Variants in PROS1 observed in about 807,000 individuals in gnomAD.
PROS1 encodes protein S, also known as vitamin K-dependent protein S.
A neutral mutation model predicts 75.9 loss-of-function variants in PROS1; 29 were observed. The ratio of observed to expected loss-of-function variants is 0.38; its 90% CI spans 0.28 to 0.52. The LOEUF is 0.52. PROS1 is among the 20% of genes least tolerant of loss of function. The probability of loss-of-function intolerance (pLI) is 0.83; values close to 1 mark genes in which losing one functional copy is unlikely to be tolerated. For missense variants in PROS1, 680 were observed against 810.3 expected (o/e 0.84, Z 1.95); for synonymous variants, 245 against 280.6 (o/e 0.87, Z 1.27).
In PROS1 at chr3:93,874,306, T is replaced by G; in HGVS notation, c.1970A>C (p.Lys657Thr). Reference sequence around the variant, plus strand: ...TGAGTGAGCTCTAATATCATTATGTTTAGAAATGGCTTCATCCAGATCCAA... The same window carrying G: ...TGAGTGAGCTCTAATATCATTATGTGTAGAAATGGCTTCATCCAGATCCAA... The part of the protein sequence containing the change: ...VQLDLDEAIS[K>T]HNDIRAHSCP... Residue 657 changes from lysine to threonine, a missense_variant, in exon 15 of 15, where the codon AAA becomes ACA. Lys to Thr is a moderately conservative substitution (Grantham distance 78). Coordinates refer to ENST00000394236, the MANE Select transcript of PROS1 (RefSeq NM_000313.4). 1 of 1,613,502 alleles carries G rather than the reference T, an allele frequency of 6.2e-7. No homozygotes were observed. The highest frequency in any genetic ancestry group is 1.1e-5 in the South Asian group (1 of 91,068).
chr3:93,919,083 A>G (rs1267552547), intron 3 of PROS1, among the ~76,000 whole-genome samples: 1 of 152,168 alleles, frequency 6.6e-6, no homozygotes, highest in East Asian at 1.9e-4. Flanking sequence ...TCTACCCATG[A>G]TAAGACACTC....
At chr3:93,923,508 A>G (rs1708972965) in intron 3 of PROS1, among the ~76,000 whole-genome samples, 1 of 152,218 alleles carries the variant, frequency 6.6e-6, no homozygotes, top group Admixed American at 6.5e-5. Flanking sequence ...TTGATATACT[A>G]TCTTTTCTAC....
chr3:93,943,013 A>G (rs1376532719), intron 1 of PROS1, among the ~76,000 whole-genome samples: 2 of 152,164 alleles, frequency 1.3e-5, no homozygotes, highest in African/African-American at 2.4e-5. Flanking sequence ...TGAGAAGTCC[A>G]CTGCGGTCAT....
intron 3 of PROS1, 99 bp from the exon 4 acceptor site, chr3:93,910,804 C>T (rs909347153): frequency 3.5e-5 from 33 of 934,878 alleles, no homozygotes; most frequent in Admixed American, 8.1e-5. Context: ...ATTTATGCTC[C>T]TGTAGATTCA....
chr3:93,916,394 A>G (rs1303203700), intron 3 of PROS1, among the ~76,000 whole-genome samples: 3 of 152,218 alleles, frequency 2.0e-5, no homozygotes, highest in Admixed American at 6.5e-5. Flanking sequence ...AATGTTTCAT[A>G]TGAGTTTAGA....
chr3:93,960,455 C>T (rs1306550950), intron 1 of PROS1, among the ~76,000 whole-genome samples: 3 of 150,324 alleles, frequency 2.0e-5, no homozygotes, highest in East Asian at 2.0e-4. Context: ...GGATTACAGC[C>T]GTGAGCCACC....
At chr3:93,892,911 T>C (rs1332179759) in intron 10 of PROS1, 22 bp downstream of exon 10, 3 of 1,601,208 alleles carry the variant, frequency 1.9e-6, no homozygotes, top group African/African-American at 2.7e-5. Context: ...TGGGAAGATA[T>C]TGATGAAATC....
At chr3:93,877,781 C>T (rs1559927662) in intron 13 of PROS1, among the ~76,000 whole-genome samples, 1 of 152,172 alleles carries the variant, frequency 6.6e-6, no homozygotes, top group Non-Finnish European at 1.5e-5. Flanking sequence ...TTTCAAACTG[C>T]CGTTATGCCT....
At chr3:93,940,035 TC>T (rs1709258045) in intron 1 of PROS1, among the ~76,000 whole-genome samples, 1 of 152,190 alleles carries the variant, frequency 6.6e-6, no homozygotes, top group Non-Finnish European at 1.5e-5. Context: ...GCCACAGTGG[TC>T]AGGCATTCTT....
At chr3:93,971,739 G>A (rs1709885837) in intron 1 of PROS1, among the ~76,000 whole-genome samples, 1 of 151,780 alleles carries the variant, frequency 6.6e-6, no homozygotes, top group South Asian at 2.1e-4. Flanking sequence ...GGGAGGGGGA[G>A]GTTGCCATGA....
intron 3 of PROS1, among the ~76,000 whole-genome samples, chr3:93,913,039 C>A (rs1708783534): frequency 1.3e-5 from 2 of 152,184 alleles, no homozygotes; most frequent in South Asian, 4.1e-4. Flanking sequence ...ATCTTGAATT[C>A]TAATCCTCCA....
chr3:93,931,084 T>C (rs552463181), intron 1 of PROS1, among the ~76,000 whole-genome samples: 1 of 152,252 alleles, frequency 6.6e-6, no homozygotes, highest in Non-Finnish European at 1.5e-5. Context: ...TACATAACAA[T>C]GTTCAAAGCA....
At chr3:93,945,775 T>A (rs1263446341) in intron 1 of PROS1, among the ~76,000 whole-genome samples, 2 of 152,116 alleles carry the variant, frequency 1.3e-5, no homozygotes, top group African/African-American at 2.4e-5. Context: ...CTCTCACCAC[T>A]CCTATTCAAA....
chr3:93,960,835 A>T (rs913867105), intron 1 of PROS1, among the ~76,000 whole-genome samples: 7 of 151,804 alleles, frequency 4.6e-5, no homozygotes, highest in Non-Finnish European at 8.8e-5. Context: ...CTTTGTTAAT[A>T]ATAAAAATCA....
At chr3:93,928,852 G>T in intron 1 of PROS1, 1 of 718,774 alleles carries the variant, frequency 1.4e-6, no homozygotes, top group Non-Finnish European at 2.0e-6. Flanking sequence ...GAGAATAAAC[G>T]GGAAATAAAC....
intron 1 of PROS1, among the ~76,000 whole-genome samples, chr3:93,961,316 C>G (rs1319305472): frequency 6.6e-6 from 1 of 152,166 alleles, no homozygotes; most frequent in Non-Finnish European, 1.5e-5. Context: ...ATGCCAAATT[C>G]AGATTGCAGA....
At chr3:93,939,593 C>T (rs1709248466) in intron 1 of PROS1, among the ~76,000 whole-genome samples, 1 of 152,140 alleles carries the variant, frequency 6.6e-6, no homozygotes, top group South Asian at 2.1e-4. Context: ...CCAACAATTT[C>T]CTCTTAAAGA....
chr3:93,897,720 G>T (rs1267521631), intron 8 of PROS1, among the ~76,000 whole-genome samples: 1 of 151,698 alleles, frequency 6.6e-6, no homozygotes, highest in African/African-American at 2.4e-5. Flanking sequence ...CATTTTTTAT[G>T]GTCTGCCTCA....
At chr3:93,935,100 A>T (rs1337830395) in intron 1 of PROS1, among the ~76,000 whole-genome samples, 2 of 152,118 alleles carry the variant, frequency 1.3e-5, no homozygotes, top group Admixed American at 6.6e-5. Flanking sequence ...TACACTGGCC[A>T]TTTCTTTTAT....
Sources: gnomAD v4.1 joint callset for allele counts (sites outside exome capture counted in the v4.1 genomes callset) on GRCh38, gnomAD v4.1.1 for gene constraint, MANE v1.5 for transcripts, NCBI Gene and HGNC (gene_info 2026-07-23, HGNC 2026-07-21) for gene names.